The following PHKA1 variants were observed in gnomAD, a reference collection of about 807,000 sequenced individuals.
PHKA1 encodes the protein phosphorylase b kinase regulatory subunit alpha, skeletal muscle isoform.
PHKA1 carries 60 observed loss-of-function variants against 110.2 expected under a neutral mutation model. The observed-to-expected ratio is 0.54, with a 90% confidence interval of 0.44 to 0.68. The LOEUF is 0.68. Among genes scored for constraint, PHKA1 ranks in the 30% least tolerant of loss-of-function variants. PHKA1 has a pLI of 0.00. For synonymous variants in PHKA1, 316 were observed against 333.6 expected (o/e 0.95, Z 0.58); for missense variants, 801 against 942.5 (o/e 0.85, Z 1.97).
chrX:72,613,408 C>A (rs782104792), intron 21 of PHKA1, among the ~76,000 whole-genome samples: 3 of 106,227 alleles, frequency 2.8e-5, no homozygotes, highest in East Asian at 3.2e-4. Context: ...CACACACACA[C>A]AACACTGACT....
At chrX:72,632,788 C>T (rs1556289037) in intron 16 of PHKA1, among the ~76,000 whole-genome samples, 1 of 112,057 alleles carries the variant, frequency 8.9e-6, no homozygotes, top group Non-Finnish European at 1.9e-5. Context: ...GGCTCTGTCA[C>T]TTACTAGCTT....
chrX:72,638,127 GTTTT>G (rs1214505871), intron 14 of PHKA1, among the ~76,000 whole-genome samples: 37 of 110,618 alleles, frequency 3.3e-4, no homozygotes, highest in African/African-American at 1.1e-3. Context: ...GTTCTCACAG[GTTTT>G]TTTTGTTTTT....
chrX:72,636,056 G>T (rs2053226233), intron 15 of PHKA1, among the ~76,000 whole-genome samples: 1 of 111,637 alleles, frequency 9.0e-6, no homozygotes, highest in African/African-American at 3.3e-5. Flanking sequence ...CTTAGTTTCT[G>T]CAATACCCAG....
At chrX:72,600,496 C>A (rs1323040092) in intron 28 of PHKA1, among the ~76,000 whole-genome samples, 1 of 111,996 alleles carries the variant, frequency 8.9e-6, no homozygotes. Flanking sequence ...AGTTCTTTCA[C>A]GTTTCAAATA....
At chrX:72,594,679 T>A (rs138872434) in intron 28 of PHKA1, among the ~76,000 whole-genome samples, 151 of 112,643 alleles carry the variant, frequency 1.3e-3, no homozygotes, top group African/African-American at 4.7e-3. Context: ...TGCATGGGCA[T>A]ATGGCTTGTG....
intron 8 of PHKA1, among the ~76,000 whole-genome samples, chrX:72,662,425 G>T (rs1556304588): frequency 1.8e-5 from 2 of 112,004 alleles, no homozygotes. Context: ...CTCTGGTCCT[G>T]CATAGTAGAA....
chrX:72,665,590 G>T (rs781799271), intron 8 of PHKA1, among the ~76,000 whole-genome samples: 1 of 111,354 alleles, frequency 9.0e-6, no homozygotes, highest in Admixed American at 9.5e-5. Context: ...AAACCCATGG[G>T]CCAATATCCC....
rs1556272729 is a variant in PHKA1, at chrX:72,618,772, C to T, written c.2307G>A (p.Gln769=). Residue 769 remains glutamine, a synonymous_variant, in exon 21 of 32, where the codon CAG becomes CAA. Transcript: ENST00000373542. ...GEVDFKALVL[Q]LKETSSLQEQ... is the part of the protein sequence containing the mutation. ...CCTGTAAGCTTGAGGTCTCCTTCAA[C>T]TGTAAAACCAGTGCTTTAAAGTCCA... The T allele has an allele frequency of 8.4e-7, 1 of 1,194,927 alleles. No homozygotes were observed. Among genetic ancestry groups the T allele is most frequent in the East Asian group, 3.0e-5 (1 of 33,771 alleles).
Position 72,597,810 on chromosome X carries a change from A to G in PHKA1, c.3072+4181T>C, listed in dbSNP as rs192140271. The stretch of plus-strand genomic sequence containing the variant: ...GTATGACTATATGCTGAGATCTATG[A>G]GTCTTCCTAGTGAATCATTAAATCT... On this transcript the variant is annotated intron_variant, in intron 28 of 31. Coordinates refer to ENST00000373542, the MANE Select transcript of PHKA1 (RefSeq NM_002637.4). Among the ~76,000 whole-genome samples the G allele has an allele frequency of 3.2e-3, 362 of 111,774 alleles. 1 individual carries two copies. The highest frequency in any genetic ancestry group is 0.011 in the African/African-American group (349 of 30,770).
intron 6 of PHKA1, among the ~76,000 whole-genome samples, chrX:72,670,630 C>A (rs1240960940): frequency 9.0e-6 from 1 of 111,179 alleles, no homozygotes; most frequent in Admixed American, 9.6e-5. Flanking sequence ...GAGACACAAC[C>A]AAAAAAGAGA....
intron 5 of PHKA1, among the ~76,000 whole-genome samples, chrX:72,680,206 G>T (rs1216834191): frequency 9.0e-6 from 1 of 111,032 alleles, no homozygotes; most frequent in Non-Finnish European, 1.9e-5. Flanking sequence ...TAGAGACAAG[G>T]TTTCTCCATG....
At chrX:72,670,922 G>A (rs1270874151) in intron 6 of PHKA1, among the ~76,000 whole-genome samples, 7 of 111,594 alleles carry the variant, frequency 6.3e-5, no homozygotes, top group Admixed American at 2.9e-4. Flanking sequence ...ATTAGGTATC[G>A]ATGGGACGTA....
intron 16 of PHKA1, among the ~76,000 whole-genome samples, chrX:72,633,902 CAGG>C (rs2053196860): frequency 8.9e-6 from 1 of 111,943 alleles, no homozygotes; most frequent in Non-Finnish European, 1.9e-5. Flanking sequence ...CCACTCTATT[CAGG>C]AGAACTTCAT....
At chrX:72,612,576 T>C (rs1294772398) in intron 21 of PHKA1, among the ~76,000 whole-genome samples, 1 of 112,174 alleles carries the variant, frequency 8.9e-6, no homozygotes, top group African/African-American at 3.2e-5. Context: ...TGATTGTGAA[T>C]TCTGGCAACA....
At chrX:72,589,419 A>G (rs1425896953) in intron 29 of PHKA1, among the ~76,000 whole-genome samples, 3 of 111,882 alleles carry the variant, frequency 2.7e-5, no homozygotes. Flanking sequence ...GTATTGATGG[A>G]ACATATCTCA....
At chrX:72,659,643 T>C (rs1556303225) in intron 8 of PHKA1, among the ~76,000 whole-genome samples, 2 of 111,993 alleles carry the variant, frequency 1.8e-5, no homozygotes, top group African/African-American at 6.5e-5. Context: ...GAAACCTAGG[T>C]CTCATTACCC....
intron 8 of PHKA1, among the ~76,000 whole-genome samples, chrX:72,661,155 G>A (rs1223836170): frequency 8.9e-6 from 1 of 111,799 alleles, no homozygotes; most frequent in Non-Finnish European, 1.9e-5. Context: ...CCCTTTTTTG[G>A]TTGCATTTCA....
chrX:72,670,980 T>C (rs1455469506), intron 6 of PHKA1, among the ~76,000 whole-genome samples: 1 of 111,790 alleles, frequency 8.9e-6, no homozygotes, highest in Non-Finnish European at 1.9e-5. Flanking sequence ...GCCAGTATCA[T>C]ACTGAATGGG....
At chrX:72,598,227 T>C (rs1254294064) in intron 28 of PHKA1, among the ~76,000 whole-genome samples, 1 of 111,334 alleles carries the variant, frequency 9.0e-6, no homozygotes, top group Non-Finnish European at 1.9e-5. Context: ...CTAAAGAAGA[T>C]AAACAAATGG....
Sources: allele counts gnomAD v4.1 joint callset (sites outside exome capture counted in the v4.1 genomes callset), GRCh38; gene constraint gnomAD v4.1.1; transcripts MANE v1.5; gene names NCBI Gene and HGNC (gene_info 2026-07-23, HGNC 2026-07-21).